The following SH3BP1 variants were observed in gnomAD, a reference collection of about 807,000 sequenced individuals.
The protein encoded by SH3BP1 is SH3 domain binding protein 1.
SH3BP1 carries 46 observed loss-of-function variants against 69.8 expected under a neutral mutation model. That is an observed-to-expected ratio of 0.66 (90% confidence interval 0.52 to 0.84). The LOEUF is 0.84. SH3BP1 is among the 40% of genes least tolerant of loss of function. The pLI is 0.00. For missense variants in SH3BP1, 868 were observed against 930.9 expected, an observed-to-expected ratio of 0.93 and a Z score of 0.88; for synonymous variants, 403 against 378.0, an observed-to-expected ratio of 1.07 and a Z score of -0.77.
At chr22:37,654,439 C>T (rs1021020510) in intron 17 of SH3BP1, among the ~76,000 whole-genome samples, 3 of 151,854 alleles carry the variant, frequency 2.0e-5, no homozygotes, top group East Asian at 1.9e-4. Context: ...GGCATGGTTG[C>T]GGGTGCCTAT....
At position 37,644,627 on chromosome 22, in the gene SH3BP1, T is replaced by G; in HGVS notation, c.619-10T>G. 1 of 1,614,110 alleles carries G rather than the reference T, an allele frequency of 6.2e-7. No homozygotes were observed. Among genetic ancestry groups the G allele is most frequent in the Non-Finnish European group, 8.5e-7 (1 of 1,179,926 alleles). ...CACCCAACGTAAGCTCTCCCCTCTC[T>G]GTCCCCAAGGACGAGTACTTGGCTG... is the stretch of plus-strand genomic sequence containing the variant. On this transcript the variant is annotated splice_polypyrimidine_tract_variant and intron_variant, in intron 7 of 17. Transcript: ENST00000649765.
intron 11 of SH3BP1, 81 bp from the exon 12 acceptor site, chr22:37,647,186 A>C (rs1038955950): frequency 7.9e-7 from 1 of 1,264,862 alleles, no homozygotes; most frequent in Non-Finnish European, 1.2e-6. Context: ...TAGTGTGAAC[A>C]AGGGCCGGAG....
In SH3BP1 at chr22:37,650,394, C is replaced by T. The variant is rs1472118812; in HGVS notation, c.1414+145C>T. The T allele has an allele frequency of 2.0e-6, 3 of 1,491,274 alleles. No homozygotes were observed. The South Asian group carries it at 4.0e-5, about 20-fold the overall frequency. 92.4% of individuals were successfully genotyped at this position (1,491,274 alleles called of 1,614,324 possible). A position where few individuals can be genotyped will look rare whatever the true frequency, so the allele number is the denominator to read the frequency against. ...TTTTACAACGGGGATGGTCTGCCTG[C>T]TTTGTGGGGTGGTGGTGAGGCTCAC... On this transcript the variant is annotated intron_variant, in intron 15 of 17. Transcript: ENST00000649765.
At chr22:37,642,642 A>T (rs768204434) in intron 4 of SH3BP1, 27 bp downstream of exon 4, 1 of 1,612,970 alleles carries the variant, frequency 6.2e-7, no homozygotes, top group Admixed American at 1.7e-5. Flanking sequence ...CCCAGCCCTC[A>T]CCTGGGGATA....
In SH3BP1 at chr22:37,650,932, C is replaced by A. The variant is rs371084030; in HGVS notation, c.1598+207C>A. The stretch of plus-strand genomic sequence containing the variant: ...AGCCACTGATGTGTGCCCTATTCAT[C>A]ATGTAGCAATTTCCTGAGCACCTAC... On this transcript the variant is annotated intron_variant, in intron 16 of 17. Transcript: ENST00000649765. 9.8e-5 allele frequency among the ~76,000 whole-genome samples: 15 copies of A among 152,356 alleles called. No individual in the cohort carries two copies. The East Asian group carries it at 1.3e-3, about 14-fold the overall frequency.
chr22:37,643,808 C>T lies in SH3BP1; in HGVS notation c.618+20C>T, dbSNP rs1427330942. ...TGCAGGGTGAGGGCCATGGGGGTCCCCTGGATATGTAGGGGTGGCAGGGGT... is the reference window on the plus strand; with the variant it reads ...TGCAGGGTGAGGGCCATGGGGGTCCTCTGGATATGTAGGGGTGGCAGGGGT... On this transcript the variant is annotated intron_variant, in intron 7 of 17. Coordinates refer to ENST00000649765, the MANE Select transcript of SH3BP1 (RefSeq NM_018957.6). 2 of 1,611,026 alleles carry T rather than the reference C, an allele frequency of 1.2e-6. No homozygotes were observed. The highest frequency in any genetic ancestry group is 4.5e-5 in the East Asian group (2 of 44,888).
chr22:37,645,087 C>A (rs777156902), intron 9 of SH3BP1, 127 bp downstream of exon 9: 2 of 938,056 alleles, frequency 2.1e-6, no homozygotes, highest in Non-Finnish European at 3.3e-6. Context: ...TAGGCTCAAT[C>A]TGTGATGGAG....
At chr22:37,643,235 A>G (rs537099161) in intron 6 of SH3BP1, 61 bp downstream of exon 6, 2 of 1,435,396 alleles carry the variant, frequency 1.4e-6, no homozygotes, top group African/African-American at 1.4e-5. Flanking sequence ...ATGGTCATAG[A>G]GCTTTGAGGC....
intron 6 of SH3BP1, 165 bp from the exon 7 acceptor site, chr22:37,643,479 C>T: frequency 2.0e-6 from 2 of 981,904 alleles, no homozygotes; most frequent in South Asian, 3.2e-5. Context: ...CAGGGGGCAA[C>T]CCAGAGCACT....
Position 37,653,886 on chromosome 22 carries a change from T to C in SH3BP1, c.1693+13T>C. ...ATGGCTCGGAGGAGTGAGTTGGCTGTGGGAGGGGAGGAGGGGACAGAGGGT... is the reference window on the plus strand; with the variant it reads ...ATGGCTCGGAGGAGTGAGTTGGCTGCGGGAGGGGAGGAGGGGACAGAGGGT... On this transcript the variant is annotated intron_variant, in intron 17 of 17. Coordinates refer to ENST00000649765, the MANE Select transcript of SH3BP1 (RefSeq NM_018957.6). 1.4e-6 allele frequency: 1 copy of C among 709,828 alleles called. No homozygotes were observed. The highest frequency in any genetic ancestry group is 2.2e-6 in the Non-Finnish European group (1 of 460,856). The allele number at this position is 709,828 out of a possible 1,614,324, so 44.0% of individuals were successfully genotyped here.
At chr22:37,652,982 A>C (rs1300925796) in intron 16 of SH3BP1, among the ~76,000 whole-genome samples, 1 of 151,980 alleles carries the variant, frequency 6.6e-6, no homozygotes, top group African/African-American at 2.4e-5. Flanking sequence ...CTAAAAATGC[A>C]AAAAATTAGC....
intron 15 of SH3BP1, 86 bp downstream of exon 15, chr22:37,650,335 A>C (rs1237343936): frequency 6.6e-7 from 1 of 1,517,108 alleles, no homozygotes; most frequent in African/African-American, 1.4e-5. Flanking sequence ...ACTCACCATA[A>C]GTCCAGGAGG....
intron 16 of SH3BP1, among the ~76,000 whole-genome samples, chr22:37,652,499 C>T (rs1932900416): frequency 6.6e-6 from 1 of 152,028 alleles, no homozygotes; most frequent in Non-Finnish European, 1.5e-5. Context: ...TGCCATTGCA[C>T]TCAGCCTGGG....
Position 37,647,522 on chromosome 22 carries a change from G to A in SH3BP1, c.1199+1G>A, listed in dbSNP as rs1472971564. 1.9e-6 allele frequency: 3 copies of A among 1,599,062 alleles called. No individual in the cohort carries two copies. The highest frequency in any genetic ancestry group is 1.1e-5 in the South Asian group (1 of 90,660). On this transcript the variant is annotated splice_donor_variant, in intron 13 of 17. Coordinates refer to ENST00000649765, the MANE Select transcript of SH3BP1 (RefSeq NM_018957.6). LOFTEE classifies it high-confidence loss of function. Reference sequence around the variant, plus strand: ...CCCCCGAGAACCTCAGCAACCTCAGGTGAGCCCGAGCCCGCCTCCCCAGCC... The same window carrying A: ...CCCCCGAGAACCTCAGCAACCTCAGATGAGCCCGAGCCCGCCTCCCCAGCC...
chr22:37,646,773 C>A (rs973144530), intron 10 of SH3BP1, 45 bp from the exon 11 acceptor site: 5 of 1,291,102 alleles, frequency 3.9e-6, no homozygotes, highest in Non-Finnish European at 5.2e-6. Flanking sequence ...GTGTCCTGCC[C>A]TGCCCACCCC....
At chr22:37,651,034 T>C (rs1004217695) in intron 16 of SH3BP1, among the ~76,000 whole-genome samples, 5 of 152,030 alleles carry the variant, frequency 3.3e-5, no homozygotes, top group African/African-American at 1.2e-4. Context: ...CCTTCCAGTT[T>C]TGTTTTGTTT....
intron 1 of SH3BP1, chr22:37,640,348 C>A: frequency 6.7e-6 from 1 of 150,118 alleles, no homozygotes; most frequent in Non-Finnish European, 1.5e-5. Flanking sequence ...CTCCCCCCAG[C>A]CCAGGGGCCT....
At chr22:37,645,297 G>C in intron 9 of SH3BP1, 68 bp from the exon 10 acceptor site, 1 of 1,543,990 alleles carries the variant, frequency 6.5e-7, no homozygotes, top group Non-Finnish European at 8.8e-7. Context: ...GACATGAAGG[G>C]GGGGTGCCCC....
Position 37,642,935 on chromosome 22 carries a change from G to T in SH3BP1, c.325G>T (p.Ala109Ser). 3.1e-6 allele frequency: 5 copies of T among 1,612,796 alleles called. No homozygotes were observed. Among genetic ancestry groups the T allele is most frequent in the Non-Finnish European group, 4.2e-6 (5 of 1,179,994 alleles). ...EMSCAIQNQL[A>S]RILAEFEMTL... Reference sequence around the variant, plus strand: ...GAGCTGTGCCATCCAGAATCAGCTGGCCCGCATCCTGGCCGAGTTTGAGAT... The same window carrying T: ...GAGCTGTGCCATCCAGAATCAGCTGTCCCGCATCCTGGCCGAGTTTGAGAT... The change falls in exon 5 of 18, where the codon GCC becomes TCC. Residue 109 changes from alanine (A) to serine (S), a missense_variant. Ala to Ser is a moderately conservative substitution (Grantham distance 99). Around this residue, in one of 3 missense-constraint regions of SH3BP1, gnomAD observed 387 missense variants for 447.9 expected, o/e 0.86. Transcript: ENST00000649765.
Sources: allele counts gnomAD v4.1 joint callset (sites outside exome capture counted in the v4.1 genomes callset), GRCh38; gene constraint gnomAD v4.1.1; regional missense constraint gnomAD v4.1.1; transcripts MANE v1.5; gene names NCBI Gene and HGNC (gene_info 2026-07-23, HGNC 2026-07-21).